Variants in XKR4 observed in about 807,000 individuals in gnomAD.
XKR4 encodes XK related 4.
Under a neutral mutation model 53.9 loss-of-function variants are expected in XKR4, and 12 were observed. The observed-to-expected ratio is 0.22, with a 90% CI of 0.14 to 0.36. XKR4 has a LOEUF of 0.36. Among genes scored for constraint, XKR4 ranks in the 10% least tolerant of loss-of-function variants. The probability of loss-of-function intolerance (pLI) is 1.00; values close to 1 mark genes in which losing one functional copy is unlikely to be tolerated. For missense variants in XKR4, 799 were observed against 859.5 expected, an observed-to-expected ratio of 0.93 and a Z score of 0.88; for synonymous variants, 354 against 362.4, an observed-to-expected ratio of 0.98 and a Z score of 0.26.
chr8:55,204,685 G>A (rs1197983707), intron 1 of XKR4, among the ~76,000 whole-genome samples: 2 of 152,326 alleles, frequency 1.3e-5, no homozygotes, highest in Non-Finnish European at 2.9e-5. Flanking sequence ...TTGGAATTTG[G>A]AGTGGGTTAA....
At chr8:55,367,233 G>T (rs766115200) in intron 2 of XKR4, among the ~76,000 whole-genome samples, 1 of 150,218 alleles carries the variant, frequency 6.7e-6, no homozygotes, top group African/African-American at 2.4e-5. Context: ...ATACATTATT[G>T]TGTGTGTGTG....
chr8:55,330,977 T>C (rs530182787), intron 1 of XKR4, among the ~76,000 whole-genome samples: 1 of 152,190 alleles, frequency 6.6e-6, no homozygotes, highest in East Asian at 1.9e-4. Context: ...AATTTAATTT[T>C]ATATTTTAAT....
chr8:55,229,276 A>G (rs745878888), intron 1 of XKR4, among the ~76,000 whole-genome samples: 1 of 152,218 alleles, frequency 6.6e-6, no homozygotes, highest in Admixed American at 6.5e-5. Flanking sequence ...ACCTCAGACC[A>G]ATGCTCCTGG....
At chr8:55,464,899 G>C (rs548486171) in intron 2 of XKR4, among the ~76,000 whole-genome samples, 1 of 152,170 alleles carries the variant, frequency 6.6e-6, no homozygotes, top group Admixed American at 6.5e-5. Context: ...GCTTCAAAGA[G>C]AATAAAATAC....
At chr8:55,271,454 A>C (rs1371409238) in intron 1 of XKR4, among the ~76,000 whole-genome samples, 1 of 152,174 alleles carries the variant, frequency 6.6e-6, no homozygotes, top group East Asian at 1.9e-4. Flanking sequence ...GAGAGAAGGC[A>C]GAGAAGGAAA....
chr8:55,244,897 A>ATTT (rs148385384), intron 1 of XKR4, among the ~76,000 whole-genome samples: 3 of 110,824 alleles, frequency 2.7e-5, no homozygotes, highest in African/African-American at 6.7e-5. Flanking sequence ...CTTTGCCAAC[A>ATTT]TTTTTTTTTT....
chr8:55,409,217 C>G (rs547982253), intron 2 of XKR4, among the ~76,000 whole-genome samples: 3 of 152,294 alleles, frequency 2.0e-5, no homozygotes, highest in South Asian at 2.1e-4. Flanking sequence ...GCGTTACAGG[C>G]CTGGCAGGCA....
intron 1 of XKR4, among the ~76,000 whole-genome samples, chr8:55,289,162 G>A (rs1818947184): frequency 6.6e-6 from 1 of 152,014 alleles, no homozygotes; most frequent in Admixed American, 6.6e-5. Context: ...TTATTTCTCT[G>A]GGACACCTTC....
At chr8:55,155,001 T>C (rs965634793) in intron 1 of XKR4, among the ~76,000 whole-genome samples, 1 of 152,120 alleles carries the variant, frequency 6.6e-6, no homozygotes, top group African/African-American at 2.4e-5. Flanking sequence ...ACATGGGTCT[T>C]TGTAGCAGTT....
At chr8:55,497,739 C>T (rs57234695) in intron 2 of XKR4, among the ~76,000 whole-genome samples, 8,011 of 152,264 alleles carry the variant, frequency 0.053, 595 homozygotes, top group East Asian at 0.28. Context: ...AATGACCTTA[C>T]TGACCTCCTT....
chr8:55,337,906 T>C (rs1803485740), intron 1 of XKR4, among the ~76,000 whole-genome samples: 2 of 152,246 alleles, frequency 1.3e-5, no homozygotes, highest in South Asian at 4.1e-4. Context: ...AGTCATAATA[T>C]GTGACATTTG....
chr8:55,280,126 T>G (rs1818820655), intron 1 of XKR4, among the ~76,000 whole-genome samples: 1 of 152,166 alleles, frequency 6.6e-6, no homozygotes, highest in African/African-American at 2.4e-5. Context: ...ATGAAGCCAT[T>G]TTATGAAGGT....
chr8:55,466,115 G>A (rs1563358470), intron 2 of XKR4, among the ~76,000 whole-genome samples: 2 of 152,108 alleles, frequency 1.3e-5, no homozygotes, highest in Admixed American at 6.6e-5. Flanking sequence ...AATACCATTT[G>A]ACCCAGCCAT....
At chr8:55,463,579 A>T (rs962089718) in intron 2 of XKR4, among the ~76,000 whole-genome samples, 5 of 152,100 alleles carry the variant, frequency 3.3e-5, no homozygotes, top group Non-Finnish European at 7.4e-5. Context: ...GAGAAGCAAG[A>T]GCAAACACGT....
intron 1 of XKR4, among the ~76,000 whole-genome samples, chr8:55,117,953 A>T (rs17333876): frequency 0.037 from 5,705 of 152,328 alleles, 160 homozygotes; most frequent in Non-Finnish European, 0.059. Context: ...ATTCTCAGCT[A>T]TAAAATGTTG....
chr8:55,504,062 G>A (rs764609311), intron 2 of XKR4, among the ~76,000 whole-genome samples: 3 of 151,796 alleles, frequency 2.0e-5, no homozygotes, highest in Non-Finnish European at 4.4e-5. Context: ...AATCCTACTT[G>A]GTCATGGTAC....
intron 1 of XKR4, among the ~76,000 whole-genome samples, chr8:55,302,849 A>G (rs1003067097): frequency 1.3e-5 from 2 of 152,228 alleles, no homozygotes; most frequent in African/African-American, 2.4e-5. Flanking sequence ...ATGATTTTGT[A>G]TCCTGAGACT....
chr8:55,492,386 C>T (rs1806284205), intron 2 of XKR4, among the ~76,000 whole-genome samples: 1 of 152,158 alleles, frequency 6.6e-6, no homozygotes, highest in African/African-American at 2.4e-5. Flanking sequence ...TTCTTAACCC[C>T]AAAATACTAA....
intron 2 of XKR4, among the ~76,000 whole-genome samples, chr8:55,512,999 C>T (rs140987213): frequency 1.1e-3 from 171 of 152,252 alleles, no homozygotes; most frequent in African/African-American, 2.2e-3. Flanking sequence ...ACACCAGCAC[C>T]GCCTCTACTT....
Sources: gnomAD v4.1 joint callset for allele counts (sites outside exome capture counted in the v4.1 genomes callset) on GRCh38, gnomAD v4.1.1 for gene constraint, MANE v1.5 for transcripts, NCBI Gene and HGNC (gene_info 2026-07-23, HGNC 2026-07-21) for gene names.